DLGAP2: variants seen among roughly 807,000 people sequenced by gnomAD.
The protein encoded by DLGAP2 is disks large-associated protein 2.
Under a neutral mutation model 100.3 loss-of-function variants are expected in DLGAP2, and 26 were observed. The observed-to-expected ratio is 0.26, with a 90% CI of 0.19 to 0.36. DLGAP2 has a LOEUF of 0.36. Ranked by LOEUF, DLGAP2 falls within the 10% of genes least tolerant of loss-of-function variation. The pLI is 1.00. For missense variants in DLGAP2, 1,858 were observed against 1,453.2 expected, an observed-to-expected ratio of 1.28 and a Z score of -4.53; for synonymous variants, 886 against 630.1, an observed-to-expected ratio of 1.41 and a Z score of -6.08.
chr8:1,432,337 C>T (rs1797475611), intron 3 of DLGAP2, among the ~76,000 whole-genome samples: 1 of 152,166 alleles, frequency 6.6e-6, no homozygotes, highest in African/African-American at 2.4e-5. Context: ...TCAAGAAATT[C>T]TATGCACCTT....
intron 6 of DLGAP2, among the ~76,000 whole-genome samples, chr8:1,617,286 C>G (rs1285200339): frequency 1.3e-5 from 2 of 152,112 alleles, no homozygotes; most frequent in African/African-American, 4.8e-5. Context: ...GTTTTTAGTT[C>G]TTTGAGGATT....
In DLGAP2 at chr8:1,306,074, C is replaced by CA. The variant is rs61647224; in HGVS notation, c.106+47209dup. Among the ~76,000 whole-genome samples the CA allele has an allele frequency of 4.9e-3, 569 of 116,378 alleles. 5 individuals are homozygous for CA. The highest frequency in any genetic ancestry group is 0.019 in the East Asian group (61 of 3,158). The allele number at this position is 116,378 out of a possible 152,430, so 76.3% of individuals were successfully genotyped here. ...AGAAGTCCTAGACAGAGAAATTAGG[C>CA]AAAAAAAAAAAAAAAAAAGAGAGAG... is the stretch of plus-strand genomic sequence containing the variant. On this transcript the variant is annotated intron_variant, in intron 3 of 14. Transcript: ENST00000637795.
chr8:954,290 G>A (rs768445671), intron 2 of DLGAP2, among the ~76,000 whole-genome samples: 1 of 152,156 alleles, frequency 6.6e-6, no homozygotes, highest in Non-Finnish European at 1.5e-5. Flanking sequence ...TTGTACAATA[G>A]AACCCCAGAA....
intron 2 of DLGAP2, among the ~76,000 whole-genome samples, chr8:1,079,969 C>T (rs540436390): frequency 4.7e-4 from 71 of 152,272 alleles, no homozygotes; most frequent in African/African-American, 1.6e-3. Flanking sequence ...TAACGTGGGT[C>T]CTGGTGACTG....
At chr8:1,553,421 G>C (rs1322993998) in intron 5 of DLGAP2, among the ~76,000 whole-genome samples, 1 of 152,120 alleles carries the variant, frequency 6.6e-6, no homozygotes, top group African/African-American at 2.4e-5. Context: ...TTTGTTTGGC[G>C]TGTTCACGGG....
chr8:1,383,979 G>T (rs1796154826), intron 3 of DLGAP2, among the ~76,000 whole-genome samples: 1 of 152,176 alleles, frequency 6.6e-6, no homozygotes, highest in Admixed American at 6.5e-5. Flanking sequence ...TGCATGTCTG[G>T]GGTTTTGGTG....
chr8:1,388,160 G>A (rs1439624247), intron 3 of DLGAP2, among the ~76,000 whole-genome samples: 2 of 100,876 alleles, frequency 2.0e-5, no homozygotes, highest in African/African-American at 6.3e-5. Flanking sequence ...GGCAGTGGGT[G>A]GGGAGGCACT....
intron 2 of DLGAP2, among the ~76,000 whole-genome samples, chr8:1,040,286 G>GTGT (rs1802296911): frequency 6.8e-6 from 1 of 146,766 alleles, no homozygotes; most frequent in African/African-American, 2.5e-5. Flanking sequence ...GGTCAGCTCG[G>GTGT]GTTCCGTGGT....
At chr8:892,336 G>A (rs1480261850) in intron 1 of DLGAP2, among the ~76,000 whole-genome samples, 2 of 152,112 alleles carry the variant, frequency 1.3e-5, no homozygotes, top group African/African-American at 2.4e-5. Flanking sequence ...GTGAAGAGCG[G>A]CCCATCCACA....
intron 1 of DLGAP2, among the ~76,000 whole-genome samples, chr8:794,733 G>A (rs1297711622): frequency 1.3e-5 from 2 of 152,168 alleles, no homozygotes; most frequent in African/African-American, 4.8e-5. Context: ...GGCCAGTTTT[G>A]GGGCCAGTTT....
intron 8 of DLGAP2, among the ~76,000 whole-genome samples, chr8:1,646,014 G>C (rs762556608): frequency 1.3e-5 from 2 of 152,182 alleles, no homozygotes; most frequent in South Asian, 2.1e-4. Flanking sequence ...CTGTATGATA[G>C]TGTGATGGTG....
intron 4 of DLGAP2, among the ~76,000 whole-genome samples, chr8:1,534,122 AC>A (rs34037061): frequency 0.044 from 6,731 of 152,316 alleles, 183 homozygotes; most frequent in Non-Finnish European, 0.064. Context: ...AAATATAATC[AC>A]CCAAAACCGT....
chr8:1,612,569 A>C (rs71499022), intron 6 of DLGAP2, among the ~76,000 whole-genome samples: 34,941 of 35,924 alleles, frequency 0.97, 17,061 homozygotes, highest in East Asian at 1. Context: ...AGAGCTTCTG[A>C]ACAGCAAAAG....
chr8:1,365,140 G>A (rs1223751126), intron 3 of DLGAP2, among the ~76,000 whole-genome samples: 4 of 152,212 alleles, frequency 2.6e-5, no homozygotes, highest in African/African-American at 9.6e-5. Context: ...CTGCAGTCAA[G>A]ACAAAGCCAT....
At position 1,441,976 on chromosome 8, in the gene DLGAP2, G is replaced by A. The variant is rs60855959; in HGVS notation, c.107-59390G>A. On this transcript the variant is annotated intron_variant, in intron 3 of 14. Coordinates refer to ENST00000637795, the MANE Select transcript of DLGAP2 (RefSeq NM_001346810.2). ...ATTTTGCAGGGACAGGGATGGAGCT[G>A]GAAACCATGATCCTCAGCAAACTAA... is the stretch of plus-strand genomic sequence containing the variant. Among the ~76,000 whole-genome samples, 1,191 of 152,214 alleles carry A rather than the reference G, an allele frequency of 7.8e-3. 16 individuals carry two copies. Among genetic ancestry groups the A allele is most frequent in the African/African-American group, 0.027 (1,125 of 41,538 alleles).
intron 6 of DLGAP2, among the ~76,000 whole-genome samples, chr8:1,617,265 A>T (rs543508683): frequency 6.6e-6 from 1 of 152,180 alleles, no homozygotes; most frequent in African/African-American, 2.4e-5. Flanking sequence ...GCTGGGTCAG[A>T]TGGTAGTTCT....
At position 1,562,249 on chromosome 8, in the gene DLGAP2, G is replaced by A. The variant is rs527876881; in HGVS notation, c.1231-3434G>A. 3.7e-4 allele frequency among the ~76,000 whole-genome samples: 9 copies of A among 24,626 alleles called. 1 individual carries two copies. The highest frequency in any genetic ancestry group is 1.0e-3 in the African/African-American group (6 of 5,864). 16.2% of individuals were successfully genotyped at this position (24,626 alleles called of 152,430 possible). On this transcript the variant is annotated intron_variant, in intron 5 of 14. Transcript: ENST00000637795. ...TGTGGTGTTGGGGTGTCTGCGCCTCGTTACTGGGGGACTGTGTGGTGTTGG... is the reference window on the plus strand; with the variant it reads ...TGTGGTGTTGGGGTGTCTGCGCCTCATTACTGGGGGACTGTGTGGTGTTGG...
chr8:1,169,497 A>G (rs1251990752), intron 2 of DLGAP2, among the ~76,000 whole-genome samples: 2 of 152,278 alleles, frequency 1.3e-5, no homozygotes, highest in Admixed American at 6.5e-5. Flanking sequence ...CATGATATTG[A>G]TTCTTCCTAT....
intron 2 of DLGAP2, among the ~76,000 whole-genome samples, chr8:919,106 A>G (rs1320017414): frequency 6.6e-6 from 1 of 152,202 alleles, no homozygotes; most frequent in Non-Finnish European, 1.5e-5. Flanking sequence ...GTGTCTGGCC[A>G]AAAAGCTTTG....
Sources: gnomAD v4.1 joint callset for allele counts (sites outside exome capture counted in the v4.1 genomes callset) on GRCh38, gnomAD v4.1.1 for gene constraint, MANE v1.5 for transcripts, NCBI Gene and HGNC (gene_info 2026-07-23, HGNC 2026-07-21) for gene names.